TBC1D22A: variants seen among roughly 807,000 people sequenced by gnomAD.
TBC1D22A encodes TBC1 domain family member 22A, also known as putative GTPase activator.
A neutral mutation model predicts 60.2 loss-of-function variants in TBC1D22A; 38 were observed. The ratio of observed to expected loss-of-function variants is 0.63; its 90% CI spans 0.49 to 0.83. The LOEUF is 0.83. TBC1D22A is among the 40% of genes least tolerant of loss of function. The pLI, the probability that TBC1D22A is intolerant of heterozygous loss-of-function variation, is 0.00. For missense variants in TBC1D22A, 628 were observed against 701.0 expected, an observed-to-expected ratio of 0.90 and a Z score of 1.18; for synonymous variants, 302 against 281.7, an observed-to-expected ratio of 1.07 and a Z score of -0.72.
chr22:47,039,310 A>T (rs78752820), intron 11 of TBC1D22A, among the ~76,000 whole-genome samples: 351 of 152,250 alleles, frequency 2.3e-3, no homozygotes, highest in Non-Finnish European at 4.0e-3. Context: ...AATCGGGGGT[A>T]TTTCTATTTT....
intron 4 of TBC1D22A, among the ~76,000 whole-genome samples, chr22:46,854,144 A>C (rs555263608): frequency 1.3e-5 from 2 of 152,256 alleles, no homozygotes; most frequent in South Asian, 2.1e-4. Flanking sequence ...CTCATTGCCC[A>C]GTGTCCGTGT....
chr22:47,023,044 A>G (rs1002393967), intron 10 of TBC1D22A, among the ~76,000 whole-genome samples: 1 of 152,274 alleles, frequency 6.6e-6, no homozygotes, highest in Non-Finnish European at 1.5e-5. Context: ...AAAGTCAATC[A>G]TAACTGACCC....
chr22:47,049,345 C>T (rs1470634315), intron 11 of TBC1D22A, among the ~76,000 whole-genome samples: 7 of 152,242 alleles, frequency 4.6e-5, no homozygotes, highest in East Asian at 1.9e-4. Context: ...CGGGCATGGG[C>T]GCTGGGTTCA....
intron 8 of TBC1D22A, among the ~76,000 whole-genome samples, chr22:46,916,693 C>G (rs1213827360): frequency 1.3e-5 from 2 of 152,196 alleles, no homozygotes; most frequent in African/African-American, 2.4e-5. Flanking sequence ...CGCTCAGGCC[C>G]TGGAGGTGCC....
At position 46,852,543 on chromosome 22, in the gene TBC1D22A, G is replaced by A. The variant is rs150057172; in HGVS notation, c.638-26110G>A. Among the ~76,000 whole-genome samples the A allele has an allele frequency of 3.8e-3, 583 of 152,312 alleles. 4 individuals are homozygous for A. Among genetic ancestry groups the A allele is most frequent in the African/African-American group, 0.014 (564 of 41,562 alleles). ...GTGAGGTCCTTGTTTTCTCAGGGGTGGACGAATCTGCCTCTGGAGACATCA... is the reference window on the plus strand; with the variant it reads ...GTGAGGTCCTTGTTTTCTCAGGGGTAGACGAATCTGCCTCTGGAGACATCA... On this transcript the variant is annotated intron_variant, in intron 4 of 12. Coordinates refer to ENST00000337137, the MANE Select transcript of TBC1D22A (RefSeq NM_014346.5).
intron 12 of TBC1D22A, among the ~76,000 whole-genome samples, chr22:47,141,243 C>A (rs2067074032): frequency 6.6e-6 from 1 of 152,102 alleles, no homozygotes; most frequent in Non-Finnish European, 1.5e-5. Flanking sequence ...TCCTGCCGGG[C>A]CCCTCCCATG....
chr22:46,967,571 G>A (rs375893409), intron 8 of TBC1D22A, among the ~76,000 whole-genome samples: 4 of 152,326 alleles, frequency 2.6e-5, no homozygotes, highest in East Asian at 3.9e-4. Flanking sequence ...ACTCCCCGTC[G>A]GGGCTGGCTC....
At chr22:47,133,279 C>T (rs1601619624) in intron 12 of TBC1D22A, among the ~76,000 whole-genome samples, 1 of 152,204 alleles carries the variant, frequency 6.6e-6, no homozygotes, top group Admixed American at 6.5e-5. Context: ...CAAAACTATA[C>T]AGCTCTTTCC....
At chr22:47,097,396 A>G (rs2065227124) in intron 11 of TBC1D22A, among the ~76,000 whole-genome samples, 2 of 152,162 alleles carry the variant, frequency 1.3e-5, no homozygotes. Flanking sequence ...CAGGTGGATC[A>G]CGAGGTCAGG....
intron 12 of TBC1D22A, among the ~76,000 whole-genome samples, chr22:47,137,676 C>T (rs2147133104): frequency 6.6e-6 from 1 of 152,378 alleles, no homozygotes; most frequent in African/African-American, 2.4e-5. Context: ...ACACCCAAGC[C>T]TGGCCCCTGA....
intron 4 of TBC1D22A, among the ~76,000 whole-genome samples, chr22:46,872,226 T>G (rs2067323092): frequency 6.6e-6 from 1 of 152,172 alleles, no homozygotes; most frequent in Non-Finnish European, 1.5e-5. Context: ...ACATTTAAAG[T>G]CTATCAAACA....
intron 4 of TBC1D22A, among the ~76,000 whole-genome samples, chr22:46,854,355 G>A (rs886135193): frequency 6.6e-6 from 1 of 152,120 alleles, no homozygotes; most frequent in African/African-American, 2.4e-5. Context: ...CTGCTCCACA[G>A]TGTCGACATC....
chr22:46,969,589 G>A (rs2073966103), intron 8 of TBC1D22A, among the ~76,000 whole-genome samples: 1 of 152,232 alleles, frequency 6.6e-6, no homozygotes. Flanking sequence ...TATGTGCCAT[G>A]ACTTCACATT....
intron 1 of TBC1D22A, among the ~76,000 whole-genome samples, chr22:46,778,901 G>T (rs974280612): frequency 6.6e-6 from 1 of 152,028 alleles, no homozygotes; most frequent in African/African-American, 2.4e-5. Flanking sequence ...AAAATTAGCC[G>T]GGCGTGGTGG....
chr22:46,938,300 G>T (rs891497507), intron 8 of TBC1D22A, among the ~76,000 whole-genome samples: 3 of 152,120 alleles, frequency 2.0e-5, no homozygotes, highest in Admixed American at 6.5e-5. Context: ...TCATTTGCCC[G>T]CAGTATTCAC....
At chr22:46,796,569 T>C (rs1259576908) in intron 3 of TBC1D22A, among the ~76,000 whole-genome samples, 3 of 152,138 alleles carry the variant, frequency 2.0e-5, no homozygotes, top group East Asian at 1.9e-4. Context: ...AGCCTCTTGC[T>C]TGTTGGTCTC....
At chr22:46,960,364 C>T (rs1371306810) in intron 8 of TBC1D22A, among the ~76,000 whole-genome samples, 4 of 152,002 alleles carry the variant, frequency 2.6e-5, no homozygotes, top group Middle Eastern at 3.2e-3. Context: ...TGGGTTCAAG[C>T]GATTCTTCTG....
intron 8 of TBC1D22A, among the ~76,000 whole-genome samples, chr22:46,967,586 C>A (rs377663877): frequency 6.6e-6 from 1 of 152,196 alleles, no homozygotes; most frequent in South Asian, 2.1e-4. Context: ...TGGCTCTTAC[C>A]GACAGCGTTT....
In TBC1D22A at chr22:46,805,688, C is replaced by T. The variant is rs972416593; in HGVS notation, c.637+8068C>T. Among the ~76,000 whole-genome samples, 5 of 152,114 alleles carry T rather than the reference C, an allele frequency of 3.3e-5. No homozygotes were observed. In the East Asian group the frequency reaches 9.6e-4, roughly 29 times the overall value. On this transcript the variant is annotated intron_variant, in intron 4 of 12. Coordinates refer to ENST00000337137, the MANE Select transcript of TBC1D22A (RefSeq NM_014346.5). ...GGGCTGGACATGGGCACTTTCAAAC[C>T]GGGATTCTGGAAACAGAGAGGTGGG...
Sources: gnomAD v4.1 joint callset for allele counts (sites outside exome capture counted in the v4.1 genomes callset) on GRCh38, gnomAD v4.1.1 for gene constraint, MANE v1.5 for transcripts, NCBI Gene and HGNC (gene_info 2026-07-23, HGNC 2026-07-21) for gene names.